The following EDC3 variants were observed in gnomAD, a reference collection of about 807,000 sequenced individuals.
The protein encoded by EDC3 is enhancer of mRNA-decapping protein 3.
In EDC3, 20 loss-of-function variants were observed where a neutral mutation model predicts 41.8. The observed-to-expected ratio is 0.48, with a 90% CI of 0.34 to 0.70. The LOEUF (loss-of-function observed/expected upper bound fraction) is 0.70. Ranked by LOEUF, EDC3 falls within the 30% of genes least tolerant of loss-of-function variation. EDC3 has a pLI of 0.01. For synonymous variants in EDC3, 206 were observed against 243.2 expected (o/e 0.85, Z 1.42); for missense variants, 444 against 636.8 (o/e 0.70, Z 3.26).
At chr15:74,649,154 TC>T (rs1481060324) in intron 4 of EDC3, among the ~76,000 whole-genome samples, 1 of 146,650 alleles carries the variant, frequency 6.8e-6, no homozygotes, top group African/African-American at 2.5e-5. Flanking sequence ...AAGCTCCGCC[TC>T]CCAGGTTCAC....
At chr15:74,661,855 C>T (rs1037927211) in intron 3 of EDC3, among the ~76,000 whole-genome samples, 3 of 151,808 alleles carry the variant, frequency 2.0e-5, no homozygotes, top group Admixed American at 2.0e-4. Context: ...AGGAGTATTC[C>T]TTTTTAAAAA....
intron 3 of EDC3, among the ~76,000 whole-genome samples, chr15:74,665,102 C>T (rs1035701670): frequency 9.9e-5 from 15 of 152,236 alleles, no homozygotes; most frequent in African/African-American, 2.4e-5. Context: ...CGGCTCACTG[C>T]AGCCTCCACC....
In EDC3 at chr15:74,660,431, ATATG is replaced by A. The variant is rs1369027011; in HGVS notation, c.485-4367_485-4364del. 1.6e-3 allele frequency among the ~76,000 whole-genome samples: 239 copies of A among 149,004 alleles called. 1 individual carries two copies. Among genetic ancestry groups the A allele is most frequent in the African/African-American group, 4.7e-3 (187 of 40,052 alleles). ...TCTCCAAAAATATATATATATATATATATGTGTGTGTGTGTGTGTGTATATGAAA... is the reference window on the plus strand; with the variant it reads ...TCTCCAAAAATATATATATATATATATGTGTGTGTGTGTGTGTATATGAAA... On this transcript the variant is annotated intron_variant, in intron 3 of 6. Transcript: ENST00000315127.
chr15:74,690,369 A>C (rs1596337197), intron 1 of EDC3, among the ~76,000 whole-genome samples: 1 of 151,858 alleles, frequency 6.6e-6, no homozygotes, highest in Non-Finnish European at 1.5e-5. Flanking sequence ...AGGTAGCGCT[A>C]AACACTCTTC....
At chr15:74,656,149 G>C (rs2062545940) in intron 3 of EDC3, 81 bp from the exon 4 acceptor site, 1 of 1,328,848 alleles carries the variant, frequency 7.5e-7, no homozygotes, top group Non-Finnish European at 1.0e-6. Context: ...GTCTTTTGTG[G>C]AGAGTGTTAC....
At chr15:74,657,142 C>CAGAG (rs566654635) in intron 3 of EDC3, among the ~76,000 whole-genome samples, 3 of 152,382 alleles carry the variant, frequency 2.0e-5, no homozygotes, top group Admixed American at 2.0e-4. Context: ...CCCTCACTGG[C>CAGAG]AGAGGGCAGC....
Position 74,632,564 on chromosome 15 carries a change from T to TA in EDC3, c.*47dup. 6.3e-7 allele frequency: 1 copy of TA among 1,586,710 alleles called. No homozygotes were observed. Among genetic ancestry groups the TA allele is most frequent in the Non-Finnish European group, 8.6e-7 (1 of 1,161,636 alleles). On this transcript the variant is annotated 3_prime_UTR_variant, in exon 7 of 7. Coordinates refer to ENST00000315127, the MANE Select transcript of EDC3 (RefSeq NM_025083.5). This position sits in a 1 kb window ranked among gnomAD's most constrained non-coding sequence, Gnocchi z 4.0. Reference sequence around the variant, plus strand: ...AGCTTCATATCCTTAAGGCGTTTGTTATCAGGAGCAGCAGGGGACAGCAGA... The same window carrying TA: ...AGCTTCATATCCTTAAGGCGTTTGTTAATCAGGAGCAGCAGGGGACAGCAGA...
rs1208875720 is a variant in EDC3 at position 74,630,682 on chromosome 15, G to GA, written c.*1929dup. ...TGGGTACTATGGGCAGGATGCCCCTGAAAAGAACTGAAGACAGAGGAATCA... is the reference window on the plus strand; with the variant it reads ...TGGGTACTATGGGCAGGATGCCCCTGAAAAAGAACTGAAGACAGAGGAATCA... On this transcript the variant is annotated 3_prime_UTR_variant, in exon 7 of 7. Coordinates refer to ENST00000315127, the MANE Select transcript of EDC3 (RefSeq NM_025083.5). The GA allele has an allele frequency of 6.6e-6, 1 of 152,318 alleles. No homozygotes were observed. The highest frequency in any genetic ancestry group is 1.9e-4 in the East Asian group (1 of 5,194). 9.4% of individuals were successfully genotyped at this position (152,318 alleles called of 1,614,324 possible). A position where few individuals can be genotyped will look rare whatever the true frequency, so the allele number is the denominator to read the frequency against.
At chr15:74,659,745 TA>T (rs2062599323) in intron 3 of EDC3, among the ~76,000 whole-genome samples, 1 of 151,020 alleles carries the variant, frequency 6.6e-6, no homozygotes, top group African/African-American at 2.4e-5. Context: ...ACATCCTGGC[TA>T]AAAAATAAAA....
intron 5 of EDC3, 112 bp downstream of exon 5, chr15:74,640,354 T>G (rs1270974992): frequency 4.8e-6 from 6 of 1,242,896 alleles, no homozygotes; most frequent in Middle Eastern, 2.8e-4. Context: ...TCCCATCAGA[T>G]GAGCAGAAAC....
intron 1 of EDC3, chr15:74,687,318 C>T (rs994699260): frequency 6.6e-6 from 1 of 152,188 alleles, no homozygotes; most frequent in African/African-American, 2.4e-5. Flanking sequence ...ACTATGCGGA[C>T]AGAACCGAAG....
chr15:74,635,532 G>A lies in EDC3; in HGVS notation c.1069C>T (p.Leu357=). ...ATGACCTGGACATCATGGTTGGCTA[G>A]GTGCCTTCCACAGCTGATACCCTGA... ...GAQGISCGRH[L]ANHDVQVILF... The change falls in exon 6 of 7, where the codon CTA becomes TTA. Residue 357 remains leucine (L), a synonymous_variant. Coordinates refer to ENST00000315127, the MANE Select transcript of EDC3 (RefSeq NM_025083.5). 1 of 1,614,250 alleles carries A rather than the reference G, an allele frequency of 6.2e-7. No homozygotes were observed. Among genetic ancestry groups the A allele is most frequent in the Non-Finnish European group, 8.5e-7 (1 of 1,180,042 alleles).
intron 4 of EDC3, chr15:74,642,454 C>G (rs1343108918): frequency 6.6e-6 from 1 of 152,224 alleles, no homozygotes; most frequent in Non-Finnish European, 1.5e-5. Flanking sequence ...TTATGGCCTG[C>G]TTCAGACACG....
intron 3 of EDC3, among the ~76,000 whole-genome samples, chr15:74,668,301 G>A (rs2062699825): frequency 1.3e-5 from 2 of 152,144 alleles, no homozygotes; most frequent in Non-Finnish European, 2.9e-5. Context: ...AAGGCAATCT[G>A]AATAAAATAT....
chr15:74,640,712 A>G (rs2062340711), intron 4 of EDC3, 93 bp from the exon 5 acceptor site: 26 of 1,509,474 alleles, frequency 1.7e-5, no homozygotes, highest in Non-Finnish European at 2.2e-5. Flanking sequence ...AAATGCCAAC[A>G]TTTTACCATG....
At chr15:74,654,417 G>A (rs1396355299) in intron 4 of EDC3, among the ~76,000 whole-genome samples, 2 of 152,194 alleles carry the variant, frequency 1.3e-5, no homozygotes, top group Non-Finnish European at 2.9e-5. Context: ...GCAGTCAGAG[G>A]TAGATAGTTG....
Position 74,671,685 on chromosome 15 carries a change from C to T in EDC3, c.254G>A (p.Gly85Asp). Residue 85 changes from glycine to aspartate, a missense_variant, in exon 3 of 7, where the codon GGC becomes GAC. Gly to Asp is a moderately conservative substitution (Grantham distance 94). This residue lies in a region of EDC3 where 200 missense variants were observed against 244.0 expected (regional missense o/e 0.82). Transcript: ENST00000315127. This position sits in a 1 kb window ranked among gnomAD's most constrained non-coding sequence, Gnocchi z 4.6. Reference sequence around the variant, plus strand: ...CACTTGGCAGCCAGCACCAGAGGGGCCTAATTCTGTTTGATGAAGGTCTCC... The same window carrying T: ...CACTTGGCAGCCAGCACCAGAGGGGTCTAATTCTGTTTGATGAAGGTCTCC... ...HFGDLHQTEL[G>D]PSGAGCQVGI... is the part of the protein sequence containing the mutation. 6.2e-7 allele frequency: 1 copy of T among 1,614,102 alleles called. No individual in the cohort carries two copies. Among genetic ancestry groups the T allele is most frequent in the Non-Finnish European group, 8.5e-7 (1 of 1,180,020 alleles).
intron 1 of EDC3, among the ~76,000 whole-genome samples, chr15:74,675,524 C>T (rs1471234544): frequency 6.7e-6 from 1 of 149,244 alleles, no homozygotes; most frequent in Non-Finnish European, 1.5e-5. Context: ...CTGATAATGC[C>T]ACTCTTGCTG....
intron 2 of EDC3, among the ~76,000 whole-genome samples, chr15:74,674,593 C>T (rs1382095195): frequency 6.6e-6 from 1 of 152,052 alleles, no homozygotes; most frequent in Non-Finnish European, 1.5e-5. Context: ...TTGGCTCTGA[C>T]AAGGATTATG....
Sources: allele counts gnomAD v4.1 joint callset (sites outside exome capture counted in the v4.1 genomes callset), GRCh38; gene constraint gnomAD v4.1.1; regional missense constraint gnomAD v4.1.1; non-coding constraint Gnocchi (gnomAD v3.1); transcripts MANE v1.5; gene names NCBI Gene and HGNC (gene_info 2026-07-23, HGNC 2026-07-21).